Variants in ADGRD1 observed in about 807,000 individuals in gnomAD.
ADGRD1 encodes the protein adhesion G protein-coupled receptor D1, also known as G-protein coupled receptor 133.
Under a neutral mutation model 113.4 loss-of-function variants are expected in ADGRD1, and 77 were observed. The observed-to-expected ratio is 0.68, with a 90% CI of 0.57 to 0.82. The LOEUF (loss-of-function observed/expected upper bound fraction) is 0.82. ADGRD1 is among the 40% of genes least tolerant of loss of function. The probability of loss-of-function intolerance (pLI) is 0.00; values close to 1 mark genes in which losing one functional copy is unlikely to be tolerated. For synonymous variants in ADGRD1, 474 were observed against 475.0 expected (o/e 1.00, Z 0.03); for missense variants, 1,036 against 1,139.1 (o/e 0.91, Z 1.30).
chr12:131,137,447 C>G (rs1951117224), intron 23 of ADGRD1, among the ~76,000 whole-genome samples: 1 of 152,250 alleles, frequency 6.6e-6, no homozygotes, highest in Admixed American at 6.5e-5. Context: ...GGCCTGGCAC[C>G]TGCCATGTAC....
At chr12:131,071,950 T>G (rs2137140565) in intron 13 of ADGRD1, among the ~76,000 whole-genome samples, 1 of 150,740 alleles carries the variant, frequency 6.6e-6, no homozygotes, top group African/African-American at 2.4e-5. Flanking sequence ...GTGCCGCGCT[T>G]TCCACTGAGA....
chr12:131,122,500 G>A (rs1295603667), intron 20 of ADGRD1, among the ~76,000 whole-genome samples: 2 of 152,132 alleles, frequency 1.3e-5, no homozygotes, highest in Admixed American at 6.5e-5. Flanking sequence ...AGAGGTCCCC[G>A]CGCTCTCTGG....
rs145796361 is a variant in ADGRD1 at position 130,981,945 on chromosome 12, G to T, written c.372G>T (p.Ala124=). Residue 124 remains alanine (A), a synonymous_variant, in exon 5 of 25, where the codon GCG becomes GCT. Coordinates refer to ENST00000261654, the MANE Select transcript of ADGRD1 (RefSeq NM_198827.5). ...AACAGTCTAGACCAATCCCTTCTGC[G>T]TATGGGGGACAGGTCATCTCCAATG... ...QGEQSRPIPS[A]YGGQVISNGF... 1.9e-6 allele frequency: 3 copies of T among 1,613,602 alleles called. No homozygotes were observed. Among genetic ancestry groups the T allele is most frequent in the Non-Finnish European group, 2.5e-6 (3 of 1,179,662 alleles).
At chr12:130,992,069 C>T (rs1009841756) in intron 7 of ADGRD1, among the ~76,000 whole-genome samples, 168 bp from the exon 8 acceptor site, 2 of 149,354 alleles carry the variant, frequency 1.3e-5, no homozygotes, top group Admixed American at 6.7e-5. Flanking sequence ...TGCAGTGAGC[C>T]GAGATTGCGC....
At position 130,966,740 on chromosome 12, in the gene ADGRD1, T is replaced by G. The variant is rs1593266522; in HGVS notation, c.187+194T>G. The G allele has an allele frequency of 8.5e-6, 5 of 585,336 alleles. No homozygotes were observed. The highest frequency in any genetic ancestry group is 1.5e-5 in the Non-Finnish European group (5 of 326,884). 36.3% of individuals were successfully genotyped at this position (585,336 alleles called of 1,614,324 possible). A position where few individuals can be genotyped will look rare whatever the true frequency, so the allele number is the denominator to read the frequency against. Reference sequence around the variant, plus strand: ...GACACAATCTGCTTTGAAGCCACGGTGATAGAGATGAACAAATACTTGTGT... The same window carrying G: ...GACACAATCTGCTTTGAAGCCACGGGGATAGAGATGAACAAATACTTGTGT... On this transcript the variant is annotated intron_variant, in intron 3 of 24. Transcript: ENST00000261654. The surrounding 1 kb of genome is among the most constrained non-coding windows in gnomAD (Gnocchi z 4.6).
chr12:131,002,923 C>G, intron 9 of ADGRD1: 1 of 804,548 alleles, frequency 1.2e-6, no homozygotes, highest in East Asian at 3.4e-5. Context: ...CCTCAGTCCC[C>G]GTGTCTAAGT....
chr12:131,036,903 A>AATGAGC (rs1441452363), intron 13 of ADGRD1, among the ~76,000 whole-genome samples: 28 of 147,054 alleles, frequency 1.9e-4, no homozygotes, highest in Non-Finnish European at 3.7e-4. Context: ...TACTCACTGC[A>AATGAGC]CTGAGCCTCA....
At chr12:131,065,270 C>T (rs150558617) in intron 13 of ADGRD1, among the ~76,000 whole-genome samples, 59 of 152,312 alleles carry the variant, frequency 3.9e-4, no homozygotes, top group Non-Finnish European at 4.4e-4. Context: ...GCTTGGGAAG[C>T]GATTGACCAG....
At position 131,098,160 on chromosome 12, in the gene ADGRD1, T is replaced by A. The variant is rs1727355; in HGVS notation, c.1672-6671T>A. On this transcript the variant is annotated intron_variant, in intron 15 of 24. Transcript: ENST00000261654. ...CGGTGGCCGCTGTCTGGGCCTCACTTCCTTCTCCCGCAGTGGCTGCTGTCT... is the reference window on the plus strand; with the variant it reads ...CGGTGGCCGCTGTCTGGGCCTCACTACCTTCTCCCGCAGTGGCTGCTGTCT... 6.5e-5 allele frequency among the ~76,000 whole-genome samples: 8 copies of A among 123,374 alleles called. 2 individuals carry two copies. The East Asian group carries it at 1.4e-3, about 22-fold the overall frequency. The allele number at this position is 123,374 out of a possible 152,430, so 80.9% of individuals were successfully genotyped here.
intron 6 of ADGRD1, chr12:130,990,165 T>C (rs1874202889): frequency 6.6e-6 from 1 of 152,192 alleles, no homozygotes; most frequent in Non-Finnish European, 1.5e-5. Context: ...TCACTCTGAC[T>C]TGGAGAACAG....
Position 131,134,410 on chromosome 12 carries a change from T to A in ADGRD1, c.2268-1627T>A, listed in dbSNP as rs562199117. Among the ~76,000 whole-genome samples the A allele has an allele frequency of 1.5e-3, 234 of 152,338 alleles. 1 individual carries two copies. The highest frequency in any genetic ancestry group is 1.7e-3 in the Non-Finnish European group (119 of 68,008). Reference sequence around the variant, plus strand: ...CAGCTCAGCGTCTTCCCCCAAGATCTTCTTCTATTGTTCATTTTAAGAAAA... The same window carrying A: ...CAGCTCAGCGTCTTCCCCCAAGATCATCTTCTATTGTTCATTTTAAGAAAA... On this transcript the variant is annotated intron_variant, in intron 21 of 24. Coordinates refer to ENST00000261654, the MANE Select transcript of ADGRD1 (RefSeq NM_198827.5).
chr12:131,122,281 C>G (rs928251650), intron 20 of ADGRD1, among the ~76,000 whole-genome samples: 2 of 152,124 alleles, frequency 1.3e-5, no homozygotes, highest in Non-Finnish European at 2.9e-5. Context: ...CTTGTGGCAT[C>G]AGAGCCTCCC....
Position 131,057,121 on chromosome 12 carries a change from T to C in ADGRD1, c.1474-19680T>C, listed in dbSNP as rs1048102107. Among the ~76,000 whole-genome samples the C allele has an allele frequency of 3.9e-5, 6 of 152,120 alleles. No homozygotes were observed. Among genetic ancestry groups the C allele is most frequent in the Admixed American group, 6.5e-5 (1 of 15,278 alleles). On this transcript the variant is annotated intron_variant, in intron 13 of 24. Coordinates refer to ENST00000261654, the MANE Select transcript of ADGRD1 (RefSeq NM_198827.5). This position sits in a 1 kb window ranked among gnomAD's most constrained non-coding sequence, Gnocchi z 4.2. ...GATGATTTTGTGGCAACGACTTGGG[T>C]GTAATTTTTGAAGTGGAGGAAATTG...
intron 20 of ADGRD1, among the ~76,000 whole-genome samples, chr12:131,123,051 T>TTG (rs1950639927): frequency 8.1e-6 from 1 of 123,582 alleles, no homozygotes; most frequent in African/African-American, 3.2e-5. Flanking sequence ...TTTTTTTTTT[T>TTG]TTTTTTTTTT....
chr12:131,071,723 C>T (rs920018803), intron 13 of ADGRD1, among the ~76,000 whole-genome samples: 3 of 152,178 alleles, frequency 2.0e-5, no homozygotes, highest in African/African-American at 4.8e-5. Context: ...ACCCGGATGC[C>T]GGGTTCAAGG....
At chr12:131,130,245 A>G (rs1382496253) in intron 20 of ADGRD1, among the ~76,000 whole-genome samples, 1 of 152,192 alleles carries the variant, frequency 6.6e-6, no homozygotes, top group African/African-American at 2.4e-5. Context: ...TTCTGTTATT[A>G]GCCTCACTTT....
chr12:131,113,699 C>T lies in ADGRD1; in HGVS notation c.2042-4686C>T, dbSNP rs925696591. Among the ~76,000 whole-genome samples, 36 of 152,266 alleles carry T rather than the reference C, an allele frequency of 2.4e-4. No homozygotes were observed. Among genetic ancestry groups the T allele is most frequent in the African/African-American group, 7.2e-4 (30 of 41,558 alleles). The stretch of plus-strand genomic sequence containing the variant: ...GCGGCTGGTCATGCAGGGAGCTCCC[C>T]GAGTCACCACGGACGTCCTCCGTCC... On this transcript the variant is annotated intron_variant, in intron 18 of 24. Transcript: ENST00000261654. This position sits in a 1 kb window ranked among gnomAD's most constrained non-coding sequence, Gnocchi z 4.9.
intron 13 of ADGRD1, among the ~76,000 whole-genome samples, chr12:131,014,652 G>C (rs776305709): frequency 1.7e-4 from 26 of 152,318 alleles, no homozygotes; most frequent in South Asian, 4.1e-4. Flanking sequence ...CTGGAGGAGG[G>C]GGGTACCTTG....
At chr12:130,974,839 C>T (rs1022689625) in intron 4 of ADGRD1, among the ~76,000 whole-genome samples, 3 of 152,096 alleles carry the variant, frequency 2.0e-5, no homozygotes, top group African/African-American at 4.8e-5. Flanking sequence ...GCCCTCCCTC[C>T]ACCCCTGCTT....
Sources: allele counts gnomAD v4.1 joint callset (sites outside exome capture counted in the v4.1 genomes callset), GRCh38; gene constraint gnomAD v4.1.1; non-coding constraint Gnocchi (gnomAD v3.1); transcripts MANE v1.5; gene names NCBI Gene and HGNC (gene_info 2026-07-23, HGNC 2026-07-21).